Variants in SUSD1 observed in about 807,000 individuals in gnomAD.
SUSD1 encodes sushi domain-containing protein 1.
In SUSD1, 65 loss-of-function variants were observed where a neutral mutation model predicts 86.9. The observed-to-expected ratio is 0.75, with a 90% CI of 0.61 to 0.92. The LOEUF is 0.92. Among genes scored for constraint, SUSD1 ranks in the 40% least tolerant of loss-of-function variants. The probability of loss-of-function intolerance (pLI) is 0.00; values close to 1 mark genes in which losing one functional copy is unlikely to be tolerated. For synonymous variants in SUSD1, 346 were observed against 350.0 expected (o/e 0.99, Z 0.13); for missense variants, 850 against 929.7 (o/e 0.91, Z 1.11).
At chr9:112,096,041 G>A (rs146492631) in intron 10 of SUSD1, among the ~76,000 whole-genome samples, 2 of 152,268 alleles carry the variant, frequency 1.3e-5, no homozygotes, top group South Asian at 2.1e-4. Context: ...CTACCCTGAC[G>A]AGAAGACATT....
chr9:112,045,822 T>G (rs534125904), intron 15 of SUSD1, among the ~76,000 whole-genome samples: 30 of 152,362 alleles, frequency 2.0e-4, no homozygotes, highest in African/African-American at 7.2e-4. Flanking sequence ...ATGTGAAAAT[T>G]GTATGAACCT....
At chr9:112,056,395 CAAT>C (rs1023322627) in intron 14 of SUSD1, among the ~76,000 whole-genome samples, 34 of 152,240 alleles carry the variant, frequency 2.2e-4, no homozygotes, top group Middle Eastern at 3.4e-3. Flanking sequence ...GGTTGCACAA[CAAT>C]GTGAATGAAC....
intron 2 of SUSD1, among the ~76,000 whole-genome samples, 181 bp from the exon 3 acceptor site, chr9:112,149,580 C>T (rs1443508775): frequency 6.6e-6 from 1 of 152,178 alleles, no homozygotes; most frequent in Non-Finnish European, 1.5e-5. Context: ...CTGGGCCCCT[C>T]GTAGTTATGT....
In SUSD1 at chr9:112,149,326, G is replaced by A. The variant is rs1456029529; in HGVS notation, c.291C>T (p.Gly97=). 4 of 1,614,006 alleles carry A rather than the reference G, an allele frequency of 2.5e-6. No homozygotes were observed. The Admixed American group carries it at 6.7e-5, about 27-fold the overall frequency. Residue 97 remains glycine, a synonymous_variant, in exon 3 of 17, where the codon GGC becomes GGT. Coordinates refer to ENST00000374270, the MANE Select transcript of SUSD1 (RefSeq NM_022486.5). ...ATCCTTCCAGGCAAATGCAATAGAAGCCCCCGGGGGTGTTGTGGCAAGATG... is the reference window on the plus strand; with the variant it reads ...ATCCTTCCAGGCAAATGCAATAGAAACCCCCGGGGGTGTTGTGGCAAGATG... ...NHTSCHNTPG[G]FYCICLEGYR...
intron 5 of SUSD1, among the ~76,000 whole-genome samples, chr9:112,130,095 C>T (rs1177553743): frequency 6.6e-6 from 1 of 152,152 alleles, no homozygotes; most frequent in Admixed American, 6.5e-5. Flanking sequence ...TAGCATTCAG[C>T]CAGGCATGGT....
intron 14 of SUSD1, among the ~76,000 whole-genome samples, chr9:112,052,923 T>C (rs1187028652): frequency 6.6e-6 from 1 of 152,198 alleles, no homozygotes; most frequent in South Asian, 2.1e-4. Context: ...AATGTGTCCA[T>C]GAACCGGGAA....
At chr9:112,138,242 T>TATATATATATATATATATATATACAC (rs1554770305) in intron 5 of SUSD1, among the ~76,000 whole-genome samples, 2 of 34,066 alleles carry the variant, frequency 5.9e-5, no homozygotes, top group Non-Finnish European at 1.1e-4. Flanking sequence ...AATGTGTATA[T>TATATATATATATATATATATATACAC]ATATATATAT....
intron 5 of SUSD1, among the ~76,000 whole-genome samples, chr9:112,141,856 T>C (rs1048912080): frequency 2.1e-5 from 3 of 143,708 alleles, no homozygotes; most frequent in African/African-American, 7.5e-5. Context: ...TATATATATA[T>C]GTATATATAT....
At chr9:112,108,453 G>T (rs965905438) in intron 8 of SUSD1, among the ~76,000 whole-genome samples, 1 of 150,808 alleles carries the variant, frequency 6.6e-6, no homozygotes, top group South Asian at 2.1e-4. Flanking sequence ...CGTGACTCAA[G>T]AATTTAGAAA....
chr9:112,057,267 A>G (rs1046423951), intron 14 of SUSD1, among the ~76,000 whole-genome samples: 1 of 152,182 alleles, frequency 6.6e-6, no homozygotes, highest in Non-Finnish European at 1.5e-5. Context: ...TGAGAAATAA[A>G]TGTCTGTTGC....
At position 112,102,202 on chromosome 9, in the gene SUSD1, T is replaced by G; in HGVS notation, c.1255A>C (p.Lys419Gln). The part of the protein sequence containing the change: ...TCLKLNRRSR[K>Q]VGSEHMYQFT... ...TGGTACATGTGTTCTGATCCAACTT[T>G]CCTAGAACGCCTGTTCAATTTCAAA... is the stretch of plus-strand genomic sequence containing the variant. Residue 419 changes from lysine to glutamine, a missense_variant, in exon 9 of 17, where the codon AAA becomes CAA. Physicochemically the swap from Lys to Gln is moderately conservative, Grantham distance 53. Transcript: ENST00000374270. The G allele has an allele frequency of 6.2e-7, 1 of 1,600,944 alleles. No homozygotes were observed. The highest frequency in any genetic ancestry group is 2.3e-5 in the East Asian group (1 of 44,166).
At chr9:112,049,284 C>A (rs10981230) in intron 15 of SUSD1, among the ~76,000 whole-genome samples, 1 of 151,998 alleles carries the variant, frequency 6.6e-6, no homozygotes, top group East Asian at 1.9e-4. Flanking sequence ...GAATGTTCCC[C>A]GATTACAGCT....
In SUSD1 at chr9:112,041,942, A is replaced by T; in HGVS notation, c.2168T>A (p.Leu723Gln). Residue 723 changes from leucine to glutamine, a missense_variant, in exon 16 of 17, where the codon CTG becomes CAG. By Grantham distance (113) the Leu-to-Gln change is moderately radical. Transcript: ENST00000374270. ...AQVKDSSLML[L>Q]QMAGVGLGSL... is the part of the protein sequence containing the mutation. ...ACCCAGTCCAACACCCGCCATCTGCAGCAGCATGAGTGACGAATCTGTGGG... is the reference window on the plus strand; with the variant it reads ...ACCCAGTCCAACACCCGCCATCTGCTGCAGCATGAGTGACGAATCTGTGGG... 1 of 1,614,068 alleles carries T rather than the reference A, an allele frequency of 6.2e-7. No individual in the cohort carries two copies. Among genetic ancestry groups the T allele is most frequent in the Non-Finnish European group, 8.5e-7 (1 of 1,179,944 alleles).
At chr9:112,172,326 A>C (rs748869860) in intron 1 of SUSD1, among the ~76,000 whole-genome samples, 2 of 152,052 alleles carry the variant, frequency 1.3e-5, no homozygotes, top group Non-Finnish European at 2.9e-5. Context: ...CATCCAATTC[A>C]AAGGCTTTTT....
At chr9:112,098,418 T>A in intron 10 of SUSD1, 52 bp downstream of exon 10, 1 of 1,580,652 alleles carries the variant, frequency 6.3e-7, no homozygotes, top group Non-Finnish European at 8.6e-7. Context: ...ACTGCTCAAT[T>A]CACATAGGTA....
At chr9:112,125,174 CG>C (rs1195546746) in intron 5 of SUSD1, among the ~76,000 whole-genome samples, 1 of 151,898 alleles carries the variant, frequency 6.6e-6, no homozygotes, top group Non-Finnish European at 1.5e-5. Flanking sequence ...GAACAAATAT[CG>C]TAAGAATAAG....
chr9:112,140,832 C>T (rs990551361), intron 5 of SUSD1, among the ~76,000 whole-genome samples: 16 of 152,258 alleles, frequency 1.1e-4, no homozygotes, highest in African/African-American at 3.9e-4. Context: ...GATAGTAGAG[C>T]CTGCTACTCA....
chr9:112,129,416 G>A (rs553634832), intron 5 of SUSD1, among the ~76,000 whole-genome samples: 1 of 152,286 alleles, frequency 6.6e-6, no homozygotes, highest in East Asian at 1.9e-4. Context: ...AGGCACAAGT[G>A]ATCCTTCCAG....
At chr9:112,058,134 C>T (rs1412136368) in intron 14 of SUSD1, among the ~76,000 whole-genome samples, 1 of 152,172 alleles carries the variant, frequency 6.6e-6, no homozygotes, top group Non-Finnish European at 1.5e-5. Context: ...ATGTTTCTTT[C>T]CAACTTAGAC....
Sources: gnomAD v4.1 joint callset for allele counts (sites outside exome capture counted in the v4.1 genomes callset) on GRCh38, gnomAD v4.1.1 for gene constraint, MANE v1.5 for transcripts, NCBI Gene and HGNC (gene_info 2026-07-23, HGNC 2026-07-21) for gene names.